OPN5: variants seen among roughly 807,000 people sequenced by gnomAD.
The protein encoded by OPN5 is opsin 5.
In OPN5, 18 loss-of-function variants were observed where a neutral mutation model predicts 41.7. That is an observed-to-expected ratio of 0.43 (90% CI 0.30 to 0.64). OPN5 has a LOEUF of 0.64. Among genes scored for constraint, OPN5 ranks in the 30% least tolerant of loss-of-function variants. The pLI is 0.13. For synonymous variants in OPN5, 178 were observed against 164.3 expected, an observed-to-expected ratio of 1.08 and a Z score of -0.64; for missense variants, 318 against 434.5, an observed-to-expected ratio of 0.73 and a Z score of 2.38.
chr6:47,813,346 T>C (rs922628184), intron 6 of OPN5, among the ~76,000 whole-genome samples: 2 of 152,232 alleles, frequency 1.3e-5, no homozygotes, highest in African/African-American at 2.4e-5. Flanking sequence ...ATAATAACAA[T>C]AGTATCACAG....
chr6:47,794,048 A>T (rs2113960719), intron 3 of OPN5, among the ~76,000 whole-genome samples: 1 of 152,314 alleles, frequency 6.6e-6, no homozygotes, highest in South Asian at 2.1e-4. Context: ...GCTAAATGAG[A>T]TACACTTACA....
intron 6 of OPN5, among the ~76,000 whole-genome samples, chr6:47,820,412 T>C (rs1762584492): frequency 6.6e-6 from 1 of 152,234 alleles, no homozygotes; most frequent in African/African-American, 2.4e-5. Context: ...TACTTTGCTA[T>C]ATGGTTGACC....
Position 47,795,778 on chromosome 6 carries a change from TCACACACA to T in OPN5, c.756+242_756+249del, listed in dbSNP as rs57933636. On this transcript the variant is annotated intron_variant, in intron 4 of 6. Coordinates refer to ENST00000371211, the Ensembl canonical transcript of OPN5. ...CTTCTCTCTTCTCTCTCTCTCTCTC[TCACACACA>T]CACACACACACACACACACACACAC... 8.0e-3 allele frequency among the ~76,000 whole-genome samples: 1,145 copies of T among 142,776 alleles called. 9 individuals carry two copies. The highest frequency in any genetic ancestry group is 0.025 in the African/African-American group (920 of 36,790). 93.7% of individuals were successfully genotyped at this position (142,776 alleles called of 152,430 possible). A position where few individuals can be genotyped will look rare whatever the true frequency, so the allele number is the denominator to read the frequency against.
intron 2 of OPN5, among the ~76,000 whole-genome samples, chr6:47,789,792 C>T (rs1773310262): frequency 6.6e-6 from 1 of 152,134 alleles, no homozygotes; most frequent in South Asian, 2.1e-4. Flanking sequence ...GGAGCTAGCA[C>T]CTGCAGGCTG....
intron 6 of OPN5, 131 bp from the exon 7 acceptor site, chr6:47,823,852 C>G (rs1044531007): frequency 2.8e-6 from 2 of 722,808 alleles, no homozygotes; most frequent in Non-Finnish European, 5.0e-6. Context: ...ATCTCAGTGA[C>G]AATGTCCATC....
At chr6:47,816,785 G>A (rs1045420375) in intron 6 of OPN5, among the ~76,000 whole-genome samples, 1 of 152,040 alleles carries the variant, frequency 6.6e-6, no homozygotes, top group Non-Finnish European at 1.5e-5. Context: ...AGGATTTGTT[G>A]TGATTCATGT....
At chr6:47,812,513 C>T (rs1253805672) in intron 6 of OPN5, among the ~76,000 whole-genome samples, 1 of 152,074 alleles carries the variant, frequency 6.6e-6, no homozygotes, top group African/African-American at 2.4e-5. Context: ...TTTAAACAAA[C>T]ACCTTTTGAG....
At chr6:47,793,765 C>T in intron 3 of OPN5, 1 of 959,396 alleles carries the variant, frequency 1.0e-6, no homozygotes, top group Non-Finnish European at 1.2e-6. Context: ...TTTCACCATA[C>T]TGGAATGTAA....
chr6:47,808,274 C>T (rs868002686), exon 5 of OPN5: 1 of 1,614,064 alleles, frequency 6.2e-7, no homozygotes, highest in Admixed American at 1.7e-5. Flanking sequence ...GGTGCCAACC[C>T]TACTTGCAAA....
intron 1 of OPN5, among the ~76,000 whole-genome samples, 188 bp downstream of exon 1, chr6:47,782,384 C>A (rs1773112007): frequency 6.6e-6 from 1 of 152,122 alleles, no homozygotes; most frequent in South Asian, 2.1e-4. Context: ...TCTTTATTAT[C>A]ATTATTATTA....
At chr6:47,804,430 G>A (rs563356754) in intron 4 of OPN5, among the ~76,000 whole-genome samples, 20 of 152,280 alleles carry the variant, frequency 1.3e-4, no homozygotes, top group African/African-American at 4.6e-4. Context: ...ACTTAGAATT[G>A]AGGAAAGTCA....
At chr6:47,808,441 A>T (rs749462542) in intron 5 of OPN5, 46 bp downstream of exon 5, 1 of 1,607,122 alleles carries the variant, frequency 6.2e-7, no homozygotes, top group East Asian at 2.2e-5. Flanking sequence ...CTTTGTTTCA[A>T]AATCCGGCAG....
At chr6:47,817,163 C>T (rs144423308) in intron 6 of OPN5, among the ~76,000 whole-genome samples, 1 of 152,072 alleles carries the variant, frequency 6.6e-6, no homozygotes, top group African/African-American at 2.4e-5. Flanking sequence ...TTACTCCACT[C>T]CGGTGGGAGT....
chr6:47,795,394 G>T, exon 4 of OPN5: 1 of 1,614,138 alleles, frequency 6.2e-7, no homozygotes, highest in Non-Finnish European at 8.5e-7. Context: ...TCGGTAGGGG[G>T]CCAGGTTTTC....
At chr6:47,800,953 T>A (rs1773747753) in intron 4 of OPN5, among the ~76,000 whole-genome samples, 1 of 152,216 alleles carries the variant, frequency 6.6e-6, no homozygotes, top group Non-Finnish European at 1.5e-5. Context: ...TTTACAATGT[T>A]CCAGGTCTAC....
chr6:47,811,722 T>A, exon 6 of OPN5: 1 of 1,611,424 alleles, frequency 6.2e-7, no homozygotes, highest in Non-Finnish European at 8.5e-7. Context: ...TGCTGGAAAT[T>A]CATGAAGAGG....
chr6:47,823,673 A>G (rs1762706179), intron 6 of OPN5: 3 of 478,828 alleles, frequency 6.3e-6, no homozygotes, highest in Non-Finnish European at 7.5e-6. Flanking sequence ...TTTGCATTTC[A>G]TTCTAGGCAA....
chr6:47,787,563 C>T (rs1773229156), intron 2 of OPN5, among the ~76,000 whole-genome samples: 1 of 152,098 alleles, frequency 6.6e-6, no homozygotes, highest in African/African-American at 2.4e-5. Flanking sequence ...GCTCCTCTTA[C>T]CATTAGAAAC....
exon 4 of OPN5, chr6:47,795,443 G>A: frequency 1.9e-6 from 3 of 1,614,074 alleles, no homozygotes; most frequent in Non-Finnish European, 2.5e-6. Context: ...TGCTCCCAAC[G>A]GCTGTGATCG....
Sources: gnomAD v4.1 joint callset for allele counts (sites outside exome capture counted in the v4.1 genomes callset) on GRCh38, gnomAD v4.1.1 for gene constraint, MANE v1.5 for transcripts, NCBI Gene and HGNC (gene_info 2026-07-23, HGNC 2026-07-21) for gene names.